The following IGSF10 variants were observed in gnomAD, a reference collection of about 807,000 sequenced individuals.
IGSF10 encodes the protein calvaria mechanical force protein 608.
A neutral mutation model predicts 128.2 loss-of-function variants in IGSF10; 126 were observed. The ratio of observed to expected loss-of-function variants is 0.98; its 90% CI spans 0.85 to 1.14. IGSF10 has a LOEUF of 1.14. Ranked by LOEUF, IGSF10 falls within the 50% of genes most tolerant of loss-of-function variation. IGSF10 has a pLI of 0.00. For missense variants in IGSF10, 3,295 were observed against 3,149.8 expected (o/e 1.05, Z -1.10); for synonymous variants, 1,185 against 1,146.2 (o/e 1.03, Z -0.68).
the IGSF10 span, among the ~76,000 whole-genome samples, chr3:151,496,770 G>C: frequency 8.4e-3 from 1,278 of 151,820 alleles, 19 homozygotes; most frequent in African/African-American, 0.03. Flanking sequence ...TTCCACAATG[G>C]TTGAACTAGT....
the IGSF10 span, among the ~76,000 whole-genome samples, chr3:151,498,626 G>A: frequency 2.0e-4 from 30 of 152,070 alleles, no homozygotes; most frequent in Non-Finnish European, 3.7e-4. Flanking sequence ...AATGTATAGC[G>A]AATGCAGTAA....
the IGSF10 span, among the ~76,000 whole-genome samples, chr3:151,545,172 T>C: frequency 1.3e-5 from 2 of 152,222 alleles, no homozygotes; most frequent in African/African-American, 4.8e-5. Flanking sequence ...ATATTCTCTT[T>C]TTTTCTGGGC....
At chr3:151,534,029 T>C in the IGSF10 span, among the ~76,000 whole-genome samples, 1 of 152,170 alleles carries the variant, frequency 6.6e-6, no homozygotes, top group African/African-American at 2.4e-5. Flanking sequence ...AAGAAGACAT[T>C]TATGCAGTCA....
At chr3:151,435,851 C>T (rs1720110585), downstream of IGSF10, 1 of 152,080 alleles carries the variant, frequency 6.6e-6, no homozygotes, top group Non-Finnish European at 1.5e-5. Flanking sequence ...TAGACCCTCC[C>T]AAGCATTTTC....
At chr3:151,526,116 T>C in the IGSF10 span, among the ~76,000 whole-genome samples, 5 of 152,358 alleles carry the variant, frequency 3.3e-5, no homozygotes, top group East Asian at 9.6e-4. Context: ...ACCATGATAC[T>C]TCTGGCTAAC....
the IGSF10 span, among the ~76,000 whole-genome samples, chr3:151,493,784 GT>G: frequency 2.0e-5 from 3 of 151,916 alleles, no homozygotes; most frequent in Non-Finnish European, 2.9e-5. Flanking sequence ...CCATAATATG[GT>G]GTAAACCTCC....
the IGSF10 span, among the ~76,000 whole-genome samples, chr3:151,571,376 G>C: frequency 2.0e-5 from 3 of 152,132 alleles, no homozygotes; most frequent in Admixed American, 6.5e-5. Flanking sequence ...TCTTCCATTT[G>C]TTTGTGTCCT....
At chr3:151,494,396 T>C in the IGSF10 span, among the ~76,000 whole-genome samples, 1 of 152,116 alleles carries the variant, frequency 6.6e-6, no homozygotes, top group East Asian at 1.9e-4. Flanking sequence ...TGAATGGGAA[T>C]GGCTTTAAAT....
At chr3:151,574,240 T>C in the IGSF10 span, among the ~76,000 whole-genome samples, 2 of 152,196 alleles carry the variant, frequency 1.3e-5, no homozygotes, top group Non-Finnish European at 2.9e-5. Flanking sequence ...GTTCTCTGTA[T>C]TTCCTGAATT....
the IGSF10 span, among the ~76,000 whole-genome samples, chr3:151,491,384 C>A: frequency 6.6e-6 from 1 of 152,170 alleles, no homozygotes; most frequent in Admixed American, 6.5e-5. Context: ...CAAGACCAAC[C>A]TGGCCAACAT....
the IGSF10 span, among the ~76,000 whole-genome samples, chr3:151,491,212 T>A: frequency 6.6e-6 from 1 of 152,170 alleles, no homozygotes; most frequent in Admixed American, 6.5e-5. Context: ...GGATTATAAA[T>A]GAACAACTAT....
chr3:151,615,905 T>C, the IGSF10 span, among the ~76,000 whole-genome samples: 3 of 152,060 alleles, frequency 2.0e-5, no homozygotes, highest in African/African-American at 7.2e-5. Flanking sequence ...TTCGTTTATT[T>C]ATCCACTTAC....
At chr3:151,479,372 ATTT>A in the IGSF10 span, among the ~76,000 whole-genome samples, 4 of 147,014 alleles carry the variant, frequency 2.7e-5, no homozygotes, top group Admixed American at 6.9e-5. Context: ...TTTTAATTAA[ATTT>A]ATTTTTCACT....
the IGSF10 span, among the ~76,000 whole-genome samples, chr3:151,590,804 A>T: frequency 6.6e-6 from 1 of 152,330 alleles, no homozygotes; most frequent in African/African-American, 2.4e-5. Flanking sequence ...ATTTGACTGA[A>T]GTAACGTTTT....
At position 151,446,883 on chromosome 3, in the gene IGSF10, C is replaced by T. The variant is rs1414668560; in HGVS notation, c.3098G>A (p.Arg1033Gln). Residue 1033 changes from arginine to glutamine, a missense_variant, in exon 6 of 8, where the codon CGG becomes CAG. Transcript: ENST00000282466. ...ISPYRTPVLR[R>Q]HRYSIFRSTT... ...TGACCTGAAAATGCTGTATCTATGC[C>T]GTCGCAGAACTGGAGTTCTATATGG... is the stretch of plus-strand genomic sequence containing the variant. 11 of 1,613,994 alleles carry T rather than the reference C, an allele frequency of 6.8e-6. No individual in the cohort carries two copies. The highest frequency in any genetic ancestry group is 2.7e-5 in the African/African-American group (2 of 74,906).
At chr3:151,488,926 T>C in the IGSF10 span, among the ~76,000 whole-genome samples, 1 of 152,182 alleles carries the variant, frequency 6.6e-6, no homozygotes, top group African/African-American at 2.4e-5. Flanking sequence ...AAAGACTTCA[T>C]GACTGACACA....
chr3:151,587,549 A>G, the IGSF10 span, among the ~76,000 whole-genome samples: 8 of 152,084 alleles, frequency 5.3e-5, no homozygotes, highest in African/African-American at 1.9e-4. Context: ...GTATAGGATT[A>G]CAAATTTGTT....
the IGSF10 span, among the ~76,000 whole-genome samples, chr3:151,547,091 A>G: frequency 6.6e-6 from 1 of 152,056 alleles, no homozygotes; most frequent in African/African-American, 2.4e-5. Context: ...CCATATTTCT[A>G]AATAATATGT....
At chr3:151,494,754 C>T in the IGSF10 span, among the ~76,000 whole-genome samples, 2 of 151,996 alleles carry the variant, frequency 1.3e-5, no homozygotes, top group South Asian at 2.1e-4. Context: ...TCTTGTTCTT[C>T]GATGGAAATG....
Sources: gnomAD v4.1 joint callset for allele counts (sites outside exome capture counted in the v4.1 genomes callset) on GRCh38, gnomAD v4.1.1 for gene constraint, MANE v1.5 for transcripts, NCBI Gene and HGNC (gene_info 2026-07-23, HGNC 2026-07-21) for gene names.